The following PPFIBP1 variants were observed in gnomAD, a reference collection of about 807,000 sequenced individuals.
PPFIBP1 encodes the protein PPFIB scaffold protein 1.
In PPFIBP1, 112 loss-of-function variants were observed where a neutral mutation model predicts 137.8. The observed-to-expected ratio is 0.81, with a 90% CI of 0.70 to 0.95. The LOEUF (loss-of-function observed/expected upper bound fraction) is 0.95, where lower values mean the gene tolerates loss of function less well. PPFIBP1 is among the 40% of genes least tolerant of loss of function. PPFIBP1 has a pLI of 0.00. For synonymous variants in PPFIBP1, 378 were observed against 417.3 expected, an observed-to-expected ratio of 0.91 and a Z score of 1.15; for missense variants, 1,083 against 1,196.6, an observed-to-expected ratio of 0.91 and a Z score of 1.40.
At chr12:27,649,522 G>T (rs180916889) in intron 6 of PPFIBP1, among the ~76,000 whole-genome samples, 1 of 152,098 alleles carries the variant, frequency 6.6e-6, no homozygotes, top group Non-Finnish European at 1.5e-5. Flanking sequence ...TCAAAGGAGG[G>T]TAACTAAAGT....
Position 27,538,901 on chromosome 12 carries a change from G to A in PPFIBP1, c.-124+14536G>A, listed in dbSNP as rs570387790. On this transcript the variant is annotated intron_variant, in intron 1 of 29. Coordinates refer to ENST00000228425, the MANE Select transcript of PPFIBP1 (RefSeq NM_003622.4). ...TTTTCAATTGCAGTGATTTTGACCT[G>A]TAGCAGTCATTTGGCAATGTCAAGA... 2.7e-4 allele frequency among the ~76,000 whole-genome samples: 41 copies of A among 152,270 alleles called. 1 individual carries two copies. The South Asian group carries it at 3.3e-3, about 12-fold the overall frequency.
chr12:27,627,974 C>T (rs1175032861), intron 2 of PPFIBP1, among the ~76,000 whole-genome samples: 1 of 152,126 alleles, frequency 6.6e-6, no homozygotes, highest in Non-Finnish European at 1.5e-5. Context: ...TCTCTGTTTA[C>T]ATCACCCAAC....
chr12:27,670,797 T>A (rs919572971), intron 13 of PPFIBP1, among the ~76,000 whole-genome samples: 16 of 147,384 alleles, frequency 1.1e-4, no homozygotes, highest in Middle Eastern at 3.6e-3. Context: ...AAAAAAAAAA[T>A]AATAATAATA....
intron 2 of PPFIBP1, among the ~76,000 whole-genome samples, chr12:27,616,558 G>A (rs1028405205): frequency 5.3e-5 from 8 of 152,138 alleles, no homozygotes; most frequent in Admixed American, 2.6e-4. Flanking sequence ...TTTGTTTGGG[G>A]CTGGGATTTT....
At chr12:27,684,623 G>A (rs114947863) in intron 24 of PPFIBP1, among the ~76,000 whole-genome samples, 117 of 152,116 alleles carry the variant, frequency 7.7e-4, no homozygotes, top group African/African-American at 2.6e-3. Flanking sequence ...ATAAACCTGC[G>A]TGAAATAATA....
intron 2 of PPFIBP1, among the ~76,000 whole-genome samples, chr12:27,587,721 T>C (rs751063329): frequency 6.6e-6 from 1 of 152,144 alleles, no homozygotes; most frequent in Non-Finnish European, 1.5e-5. Context: ...GAGCTTTTCT[T>C]TATATTTTCC....
chr12:27,649,318 T>A, intron 6 of PPFIBP1, among the ~76,000 whole-genome samples: 1 of 152,248 alleles, frequency 6.6e-6, no homozygotes, highest in African/African-American at 2.4e-5. Flanking sequence ...TGATTAAGGA[T>A]AATAAGAATT....
intron 19 of PPFIBP1, chr12:27,678,128 CT>C (rs1350535514): frequency 6.6e-6 from 1 of 152,174 alleles, no homozygotes; most frequent in African/African-American, 2.4e-5. Flanking sequence ...ACTCATAGAT[CT>C]TGCTGAAACA....
intron 4 of PPFIBP1, 147 bp from the exon 5 acceptor site, chr12:27,645,915 T>C (rs1410075287): frequency 4.9e-6 from 3 of 611,530 alleles, no homozygotes; most frequent in African/African-American, 3.7e-5. Flanking sequence ...ATGAACCAAA[T>C]TGCATTCTCG....
At chr12:27,528,109 T>C (rs1943987812) in intron 1 of PPFIBP1, among the ~76,000 whole-genome samples, 1 of 152,066 alleles carries the variant, frequency 6.6e-6, no homozygotes, top group African/African-American at 2.4e-5. Flanking sequence ...CCACAACGCC[T>C]GGCTAATTTT....
intron 16 of PPFIBP1, 63 bp from the exon 17 acceptor site, chr12:27,674,129 C>T (rs950449313): frequency 1.1e-5 from 15 of 1,313,718 alleles, no homozygotes; most frequent in Non-Finnish European, 1.5e-5. Context: ...TTGTATGTGA[C>T]AAATTCAGAA....
rs1238029356 is a variant in PPFIBP1 at position 27,687,468 on chromosome 12, C to G, written c.2331C>G (p.Asn777Lys). The G allele has an allele frequency of 6.2e-7, 1 of 1,613,990 alleles. No homozygotes were observed. The highest frequency in any genetic ancestry group is 1.3e-5 in the African/African-American group (1 of 75,036). The stretch of plus-strand genomic sequence containing the variant: ...CCATCCAGGTCCTGAGGATCAATAA[C>G]TTTGAACCAAACTGTCTACGGAGGC... Reference protein sequence around the residue: ...KRAIQVLRINNFEPNCLRRRP... With the variant: ...KRAIQVLRINKFEPNCLRRRP... The change falls in exon 25 of 30, where the codon AAC becomes AAG. Residue 777 changes from asparagine (N) to lysine (K), a missense_variant. Asn to Lys is a moderately conservative substitution (Grantham distance 94, BLOSUM62 0). Transcript: ENST00000228425.
At chr12:27,632,572 C>T (rs1334607696) in intron 2 of PPFIBP1, among the ~76,000 whole-genome samples, 2 of 152,168 alleles carry the variant, frequency 1.3e-5, no homozygotes, top group Non-Finnish European at 2.9e-5. Context: ...AGGATAAACC[C>T]ATCTTCAGAT....
intron 2 of PPFIBP1, among the ~76,000 whole-genome samples, chr12:27,586,221 T>C (rs2137109285): frequency 6.6e-6 from 1 of 152,286 alleles, no homozygotes; most frequent in Middle Eastern, 3.4e-3. Flanking sequence ...GACTGGGAAT[T>C]GAAGCCAGGA....
intron 1 of PPFIBP1, among the ~76,000 whole-genome samples, chr12:27,538,866 G>A (rs1239045781): frequency 6.6e-6 from 1 of 152,168 alleles, no homozygotes; most frequent in Non-Finnish European, 1.5e-5. Flanking sequence ...GTATACTTTT[G>A]TAGCAGTAGT....
At chr12:27,655,229 A>G in intron 8 of PPFIBP1, 5 of 1,526,626 alleles carry the variant, frequency 3.3e-6, no homozygotes, top group Non-Finnish European at 4.4e-6. Flanking sequence ...AATGGGAGTC[A>G]CTGAAGGTGT....
At chr12:27,581,644 G>A (rs367831616) in intron 2 of PPFIBP1, among the ~76,000 whole-genome samples, 75 of 152,072 alleles carry the variant, frequency 4.9e-4, no homozygotes, top group Middle Eastern at 3.4e-3. Context: ...TGGGGATTGG[G>A]GTTTTCTATC....
intron 29 of PPFIBP1, 27 bp from the exon 30 acceptor site, chr12:27,692,769 G>T (rs547785616): frequency 6.2e-7 from 1 of 1,614,038 alleles, no homozygotes; most frequent in African/African-American, 1.3e-5. Flanking sequence ...GGCTCTCAGT[G>T]TGACTCCCTG....
rs181835324 is a variant in PPFIBP1 at position 27,667,391 on chromosome 12, A to G, written c.1146+71A>G. 18 of 1,274,076 alleles carry G rather than the reference A, an allele frequency of 1.4e-5. No homozygotes were observed. The African/African-American group carries it at 2.7e-4, about 19-fold the overall frequency. The allele number at this position is 1,274,076 out of a possible 1,614,324, so 78.9% of individuals were successfully genotyped here. A position where few individuals can be genotyped will look rare whatever the true frequency, so the allele number is the denominator to read the frequency against. ...TTACTGAAAAGTTAAAACACTGCTC[A>G]TAACATGAAAAACATGGGTTCCTTT... On this transcript the variant is annotated intron_variant, in intron 13 of 29. Transcript: ENST00000228425.
Sources: gnomAD v4.1 joint callset for allele counts (sites outside exome capture counted in the v4.1 genomes callset) on GRCh38, gnomAD v4.1.1 for gene constraint, MANE v1.5 for transcripts, NCBI Gene and HGNC (gene_info 2026-07-23, HGNC 2026-07-21) for gene names.